The following EXOSC8 variants were observed in gnomAD, a reference collection of about 807,000 sequenced individuals.
EXOSC8 encodes exosome complex component RRP43.
Under a neutral mutation model 39.9 loss-of-function variants are expected in EXOSC8, and 37 were observed. The observed-to-expected ratio is 0.93, with a 90% CI of 0.71 to 1.22. The LOEUF is 1.22. EXOSC8 is among the 50% of genes most tolerant of loss of function. EXOSC8 has a pLI of 0.00. For synonymous variants in EXOSC8, 93 were observed against 109.5 expected (o/e 0.85, Z 0.94); for missense variants, 313 against 326.6 (o/e 0.96, Z 0.32).
At chr13:37,006,926 C>T (rs1295859656) in intron 7 of EXOSC8, 49 bp from the exon 8 acceptor site, 3 of 1,127,190 alleles carry the variant, frequency 2.7e-6, no homozygotes, top group Admixed American at 3.4e-5. Flanking sequence ...ATAGCATGTT[C>T]TACCCATTAG....
Position 37,003,012 on chromosome 13 carries a change from G to T in EXOSC8, c.192+5G>T, listed in dbSNP as rs201694694. 6.6e-7 allele frequency: 1 copy of T among 1,510,572 alleles called. No individual in the cohort carries two copies. Among genetic ancestry groups the T allele is most frequent in the Admixed American group, 1.7e-5 (1 of 59,812 alleles). 93.6% of individuals were successfully genotyped at this position (1,510,572 alleles called of 1,614,324 possible). A position where few individuals can be genotyped will look rare whatever the true frequency, so the allele number is the denominator to read the frequency against. ...GTAATCTGTGGAGTTAAAGCAGTAA[G>T]TCTAAATATGTCCTATTGAGATTTG... On this transcript the variant is annotated splice_donor_5th_base_variant and intron_variant, in intron 4 of 10. Coordinates refer to ENST00000389704, the MANE Select transcript of EXOSC8 (RefSeq NM_181503.3).
rs1325326170 is a variant in EXOSC8, at chr13:37,008,838, A to G, written c.715+3A>G. ...ACTCTGTTGTCTTCACAAACCAGGC[A>G]TGTTCCCGCCACTTCAGTCCTAAAC... On this transcript the variant is annotated splice_donor_region_variant and intron_variant, in intron 10 of 10. Transcript: ENST00000389704. 1 of 1,548,592 alleles carries G rather than the reference A, an allele frequency of 6.5e-7. No homozygotes were observed. Among genetic ancestry groups the G allele is most frequent in the African/African-American group, 1.4e-5 (1 of 72,948 alleles).
chr13:37,009,435 T>C lies in EXOSC8; in HGVS notation c.*136T>C, dbSNP rs1380763262. The C allele has an allele frequency of 2.8e-6, 2 of 722,436 alleles. No homozygotes were observed. Among genetic ancestry groups the C allele is most frequent in the Non-Finnish European group, 4.6e-6 (2 of 434,542 alleles). 44.8% of individuals were successfully genotyped at this position (722,436 alleles called of 1,614,324 possible). ...TATTATTTCTTAGGTCACTTCCATA[T>C]ATATTATGTATAGTGAAACCATTTT... On this transcript the variant is annotated 3_prime_UTR_variant, in exon 11 of 11. Coordinates refer to ENST00000389704, the MANE Select transcript of EXOSC8 (RefSeq NM_181503.3).
At chr13:37,006,443 ATT>A (rs1183762679) in intron 7 of EXOSC8, among the ~76,000 whole-genome samples, 5 of 152,066 alleles carry the variant, frequency 3.3e-5, no homozygotes, top group African/African-American at 9.7e-5. Flanking sequence ...ATCATTTTTT[ATT>A]CCTTATAGCA....
chr13:37,008,793 G>A lies in EXOSC8; in HGVS notation c.673G>A (p.Val225Ile). 1 of 1,613,548 alleles carries A rather than the reference G, an allele frequency of 6.2e-7. No individual in the cohort carries two copies. The highest frequency in any genetic ancestry group is 1.1e-5 in the South Asian group (1 of 91,062). Residue 225 changes from valine (V) to isoleucine (I), a missense_variant, in exon 10 of 11, where the codon GTA becomes ATA. Physicochemically the swap from Val to Ile is conservative, Grantham distance 29 (BLOSUM62 3). Coordinates refer to ENST00000389704, the MANE Select transcript of EXOSC8 (RefSeq NM_181503.3). ...TCTGGCAACAGGAACCTTAACAATA[G>A]TAATGGATGAGGAAGGCAAACTCTG... ...EHLATGTLTIVMDEEGKLCCL... is the reference protein window; with the variant it reads ...EHLATGTLTIIMDEEGKLCCL...
Position 37,008,948 on chromosome 13 carries a change from T to C in EXOSC8, c.715+113T>C. 7.8e-6 allele frequency: 6 copies of C among 769,796 alleles called. No homozygotes were observed. The South Asian group carries it at 7.9e-5, about 10-fold the overall frequency. The allele number at this position is 769,796 out of a possible 1,614,324, so 47.7% of individuals were successfully genotyped here. A position where few individuals can be genotyped will look rare whatever the true frequency, so the allele number is the denominator to read the frequency against. On this transcript the variant is annotated intron_variant, in intron 10 of 10. Transcript: ENST00000389704. The stretch of plus-strand genomic sequence containing the variant: ...ATATTTTATTTACCTAATTTTAGTA[T>C]AGTTTCTTAGCTACCTAAAATGTTC...
chr13:37,001,439 C>G (rs1267388779), intron 1 of EXOSC8: 1 of 152,152 alleles, frequency 6.6e-6, no homozygotes, highest in Non-Finnish European at 1.5e-5. Flanking sequence ...TGCATCAGAA[C>G]CACATACCGC....
chr13:37,003,089 A>T, intron 4 of EXOSC8, 82 bp downstream of exon 4: 1 of 829,218 alleles, frequency 1.2e-6, no homozygotes, highest in Non-Finnish European at 2.0e-6. Context: ...CTGTAATTCT[A>T]CTCTTGATTT....
At chr13:37,002,236 C>T (rs1392962578) in intron 1 of EXOSC8, 37 bp from the exon 2 acceptor site, 2 of 1,504,928 alleles carry the variant, frequency 1.3e-6, no homozygotes, top group Non-Finnish European at 1.8e-6. Context: ...TAAGATTCAT[C>T]AGTTTATCTC....
chr13:37,006,483 T>A (rs1368379403), intron 7 of EXOSC8, among the ~76,000 whole-genome samples: 1 of 152,198 alleles, frequency 6.6e-6, no homozygotes, highest in Non-Finnish European at 1.5e-5. Context: ...TGTTAACATA[T>A]GTTTATGGTG....
intron 5 of EXOSC8, 123 bp from the exon 6 acceptor site, chr13:37,005,797 G>C: frequency 1.8e-6 from 1 of 551,632 alleles, no homozygotes; most frequent in Non-Finnish European, 3.1e-6. Flanking sequence ...CTGGGAGGTA[G>C]AGGTTGCAGT....
Position 37,004,513 on chromosome 13 carries a change from T to A in EXOSC8, c.193-3T>A. ...AATAGGAAACATTTCTTTGCTACTA[T>A]AGGAATTTGCAGCACCATCAACAGA... On this transcript the variant is annotated splice_region_variant and splice_polypyrimidine_tract_variant and intron_variant, in intron 4 of 10. Transcript: ENST00000389704. The A allele has an allele frequency of 6.2e-7, 1 of 1,603,152 alleles. No individual in the cohort carries two copies. The highest frequency in any genetic ancestry group is 2.2e-5 in the East Asian group (1 of 44,780).
At chr13:37,002,744 ATTAT>A (rs2059114913) in intron 3 of EXOSC8, among the ~76,000 whole-genome samples, 186 bp from the exon 4 acceptor site, 1 of 152,256 alleles carries the variant, frequency 6.6e-6, no homozygotes, top group Admixed American at 6.5e-5. Flanking sequence ...CAGGTGAATA[ATTAT>A]TTAAACACTA....
chr13:37,000,966 G>A, intron 1 of EXOSC8, 144 bp downstream of exon 1: 2 of 1,038,702 alleles, frequency 1.9e-6, no homozygotes, highest in Non-Finnish European at 1.4e-6. Context: ...ATGGGCGGGA[G>A]GACCTGGAGG....
intron 9 of EXOSC8, 62 bp from the exon 10 acceptor site, chr13:37,008,667 T>C (rs2059173963): frequency 9.9e-7 from 1 of 1,013,954 alleles, no homozygotes; most frequent in Non-Finnish European, 1.5e-6. Flanking sequence ...GATAGTATGT[T>C]TAGTATTTTA....
chr13:37,003,738 G>C (rs1416054807), intron 4 of EXOSC8: 1 of 152,234 alleles, frequency 6.6e-6, no homozygotes, highest in Non-Finnish European at 1.5e-5. Flanking sequence ...ACAGTCCCTA[G>C]GAGTAGACAC....
Position 37,009,397 on chromosome 13 carries a change from T to TG in EXOSC8, c.*99dup. 1.3e-6 allele frequency: 1 copy of TG among 763,380 alleles called. No homozygotes were observed. Among genetic ancestry groups the TG allele is most frequent in the Non-Finnish European group, 2.2e-6 (1 of 465,054 alleles). 47.3% of individuals were successfully genotyped at this position (763,380 alleles called of 1,614,324 possible). On this transcript the variant is annotated 3_prime_UTR_variant, in exon 11 of 11. Transcript: ENST00000389704. Reference sequence around the variant, plus strand: ...AAATAAATATCAAACTACATTCTTCTGAAAGATGTTTCTATTATTTCTTAG... The same window carrying TG: ...AAATAAATATCAAACTACATTCTTCTGGAAAGATGTTTCTATTATTTCTTAG...
rs778769278 is a variant in EXOSC8, at chr13:37,008,046, C to T, written c.488-11C>T. On this transcript the variant is annotated splice_polypyrimidine_tract_variant and intron_variant, in intron 8 of 10. Coordinates refer to ENST00000389704, the MANE Select transcript of EXOSC8 (RefSeq NM_181503.3). ...GAGACTTACTTACTTTACAAATTTG[C>T]CTTTTCTTAGTACAGTTGCCTGAAG... is the stretch of plus-strand genomic sequence containing the variant. The T allele has an allele frequency of 6.4e-7, 1 of 1,568,866 alleles. No homozygotes were observed. Among genetic ancestry groups the T allele is most frequent in the Non-Finnish European group, 8.7e-7 (1 of 1,154,350 alleles).
chr13:37,007,010 C>T lies in EXOSC8; in HGVS notation c.426C>T (p.Leu142=), dbSNP rs148720041. ...TTCTATACTGTGATCTCATTTGCCT[C>T]GACTACGATGGAAACATTTTGGATG... is the stretch of plus-strand genomic sequence containing the variant. The part of the protein sequence containing the change: ...VWVLYCDLIC[L]DYDGNILDAC... Residue 142 remains leucine (L), a synonymous_variant, in exon 8 of 11, where the codon CTC becomes CTT. Coordinates refer to ENST00000389704, the MANE Select transcript of EXOSC8 (RefSeq NM_181503.3). The T allele has an allele frequency of 2.7e-3, 4,317 of 1,612,968 alleles. 9 individuals are homozygous for T. Among genetic ancestry groups the T allele is most frequent in the Non-Finnish European group, 3.0e-3 (3,503 of 1,178,976 alleles).
Sources: allele counts gnomAD v4.1 joint callset (sites outside exome capture counted in the v4.1 genomes callset), GRCh38; gene constraint gnomAD v4.1.1; transcripts MANE v1.5; gene names NCBI Gene and HGNC (gene_info 2026-07-23, HGNC 2026-07-21).